Variants in AHRR observed in about 807,000 individuals in gnomAD.
The protein encoded by AHRR is ahR repressor.
Under a neutral mutation model 44.0 loss-of-function variants are expected in AHRR, and 28 were observed. That is an observed-to-expected ratio of 0.64 (90% CI 0.47 to 0.87). The LOEUF (loss-of-function observed/expected upper bound fraction) is 0.87. AHRR is among the 40% of genes least tolerant of loss of function. The pLI is 0.00. For missense variants in AHRR, 990 were observed against 953.9 expected (o/e 1.04, Z -0.50); for synonymous variants, 434 against 407.0 (o/e 1.07, Z -0.80).
In AHRR at chr5:434,656, G is replaced by A. The variant is rs376172075; in HGVS notation, c.1916G>A (p.Arg639Gln). 33 of 1,565,498 alleles carry A rather than the reference G, an allele frequency of 2.1e-5. No individual in the cohort carries two copies. The highest frequency in any genetic ancestry group is 1.4e-4 in the South Asian group (12 of 85,402). ...CCCCACCAGCTCTGTGCACGGGGCC[G>A]AGGTGAACAGTCCTGCACCTGCAGA... is the stretch of plus-strand genomic sequence containing the variant. ...EPPHQLCARG[R>Q]GEQSCTCRAA... Residue 639 changes from arginine (R) to glutamine (Q), a missense_variant, in exon 11 of 11, where the codon CGA (arginine) becomes CAA (glutamine). By Grantham distance (43) the Arg-to-Gln change is conservative (BLOSUM62 1). Coordinates refer to ENST00000684583, the MANE Select transcript of AHRR (RefSeq NM_001377236.1).
At chr5:339,147 C>T (rs112515335) in intron 1 of AHRR, among the ~76,000 whole-genome samples, 3,240 of 152,270 alleles carry the variant, frequency 0.021, 108 homozygotes, top group African/African-American at 0.074. Flanking sequence ...CTTATTCTGT[C>T]ACTCAGGCTG....
chr5:332,861 G>A (rs906618809), intron 1 of AHRR, among the ~76,000 whole-genome samples: 8 of 150,032 alleles, frequency 5.3e-5, no homozygotes, highest in African/African-American at 7.4e-5. Context: ...GGATGCATAT[G>A]TATGTAGAAT....
chr5:376,557 A>AATGCGGGGAAACACAGGAAAGAT (rs368685976), intron 3 of AHRR, 53 bp from the exon 4 acceptor site: 4 of 1,429,206 alleles, frequency 2.8e-6, no homozygotes, highest in Non-Finnish European at 3.8e-6. Context: ...AATGAAGAAG[A>AATGCGGGGAAACACAGGAAAGAT]GTGGCCAGGC....
intron 5 of AHRR, among the ~76,000 whole-genome samples, chr5:414,667 CAAAT>C (rs1283974576): frequency 6.6e-6 from 1 of 151,946 alleles, no homozygotes; most frequent in East Asian, 1.9e-4. Flanking sequence ...AACTGGCAAA[CAAAT>C]AGATTTAAAA....
chr5:396,168 G>A (rs545448541), intron 4 of AHRR, among the ~76,000 whole-genome samples: 10 of 152,264 alleles, frequency 6.6e-5, no homozygotes, highest in South Asian at 4.1e-4. Flanking sequence ...GAGGGGCCCC[G>A]GGCCTTGGGC....
At chr5:377,686 C>G (rs983225062) in intron 4 of AHRR, among the ~76,000 whole-genome samples, 1 of 152,248 alleles carries the variant, frequency 6.6e-6, no homozygotes, top group Non-Finnish European at 1.5e-5. Flanking sequence ...AGTTCACAAC[C>G]CCCAGCTCGC....
Position 395,313 on chromosome 5 carries a change from G to T in AHRR, c.352-18031G>T, listed in dbSNP as rs1432929401. Among the ~76,000 whole-genome samples the T allele has an allele frequency of 1.3e-5, 2 of 152,320 alleles. No homozygotes were observed. The highest frequency in any genetic ancestry group is 2.4e-5 in the African/African-American group (1 of 41,570). On this transcript the variant is annotated intron_variant, in intron 4 of 10. Transcript: ENST00000684583. The surrounding 1 kb of genome is among the most constrained non-coding windows in gnomAD (Gnocchi z 5.3). ...TGGGAGACACGAGCCCCGGTGGTGG[G>T]ATGCAGTTAGCTGAACGCCAGGCTG...
chr5:416,215 T>C (rs1420785718), intron 5 of AHRR, among the ~76,000 whole-genome samples: 1 of 152,180 alleles, frequency 6.6e-6, no homozygotes, highest in Non-Finnish European at 1.5e-5. Flanking sequence ...CCAAGGGGTG[T>C]CCAGGCCACT....
Position 415,468 on chromosome 5 carries a change from CCTGGTCGGG to C in AHRR, c.441+2036_441+2044del, listed in dbSNP as rs1560916018. ...GCGGGAGGCCTAGGGGCCGAGTCTG[CCTGGTCGGG>C]TGGGAGGCCTAGGGGCCGAGTCTCC... On this transcript the variant is annotated intron_variant, in intron 5 of 10. Coordinates refer to ENST00000684583, the MANE Select transcript of AHRR (RefSeq NM_001377236.1). Among the ~76,000 whole-genome samples the C allele has an allele frequency of 2.2e-3, 254 of 116,720 alleles. 15 individuals carry two copies. Among genetic ancestry groups the C allele is most frequent in the Middle Eastern group, 4.9e-3 (1 of 204 alleles). 76.6% of individuals were successfully genotyped at this position (116,720 alleles called of 152,430 possible).
chr5:425,313 T>TTTTATTTA (rs1378317897), intron 7 of AHRR, among the ~76,000 whole-genome samples: 2 of 152,190 alleles, frequency 1.3e-5, no homozygotes, highest in African/African-American at 4.8e-5. Context: ...GACAATAAAG[T>TTTTATTTA]TTTATTTATT....
chr5:434,989 A>G lies in AHRR; in HGVS notation c.*155A>G. 9.0e-7 allele frequency: 1 copy of G among 1,117,264 alleles called. No homozygotes were observed. Among genetic ancestry groups the G allele is most frequent in the Non-Finnish European group, 1.2e-6 (1 of 811,870 alleles). 69.2% of individuals were successfully genotyped at this position (1,117,264 alleles called of 1,614,324 possible). On this transcript the variant is annotated 3_prime_UTR_variant, in exon 11 of 11. Coordinates refer to ENST00000684583, the MANE Select transcript of AHRR (RefSeq NM_001377236.1). The stretch of plus-strand genomic sequence containing the variant: ...GTCTGCTAGTGTGTGTGTGCAGCAT[A>G]CGCAGGAGCCTATCCTGAATTTTGT...
At chr5:366,108 G>A (rs541219791) in intron 3 of AHRR, among the ~76,000 whole-genome samples, 152 of 142,832 alleles carry the variant, frequency 1.1e-3, no homozygotes, top group African/African-American at 3.8e-3. Flanking sequence ...AGAGAGCCTC[G>A]GAACAGTGAC....
rs1736887412 is a variant in AHRR at position 434,295 on chromosome 5, C to T, written c.1555C>T (p.Pro519Ser). 1.9e-6 allele frequency: 3 copies of T among 1,609,130 alleles called. No homozygotes were observed. Among genetic ancestry groups the T allele is most frequent in the Non-Finnish European group, 2.5e-6 (3 of 1,177,588 alleles). Residue 519 changes from proline to serine, a missense_variant, in exon 11 of 11, where the codon CCG (proline) becomes TCG (serine). Transcript: ENST00000684583. Reference protein sequence around the residue: ...DMKLQGVPMPPGDLCGPTLLL... With the variant: ...DMKLQGVPMPSGDLCGPTLLL... ...GAAGCTGCAAGGTGTACCGATGCCT[C>T]CGGGGGACCTGTGTGGTCCGACGCT...
Position 435,114 on chromosome 5 carries a change from T to G in AHRR, c.*280T>G. ...ATTAAAATCTTTAGGAAAGTGATCA[T>G]GGCTGGACAGCTTCATGCCCCAGAG... On this transcript the variant is annotated 3_prime_UTR_variant, in exon 11 of 11. Coordinates refer to ENST00000684583, the MANE Select transcript of AHRR (RefSeq NM_001377236.1). 2 of 440,916 alleles carry G rather than the reference T, an allele frequency of 4.5e-6. No individual in the cohort carries two copies. 27.3% of individuals were successfully genotyped at this position (440,916 alleles called of 1,614,324 possible). A position where few individuals can be genotyped will look rare whatever the true frequency, so the allele number is the denominator to read the frequency against.
chr5:398,479 C>T (rs1457791270), intron 4 of AHRR, among the ~76,000 whole-genome samples: 2 of 152,204 alleles, frequency 1.3e-5, no homozygotes, highest in African/African-American at 4.8e-5. Flanking sequence ...GTCACTGAGC[C>T]GGGTGCACAG....
chr5:373,989 C>T (rs898950765), intron 3 of AHRR, among the ~76,000 whole-genome samples: 4 of 151,838 alleles, frequency 2.6e-5, no homozygotes, highest in Admixed American at 2.6e-4. Context: ...GCGCCCCTGC[C>T]GCCGCACCTA....
intron 4 of AHRR, among the ~76,000 whole-genome samples, chr5:392,877 T>G (rs888958309): frequency 1.3e-5 from 2 of 152,022 alleles, no homozygotes; most frequent in Non-Finnish European, 2.9e-5. Context: ...GTCTCCCCCA[T>G]GCCTTCATTT....
At chr5:360,985 C>G (rs527784076) in intron 3 of AHRR, among the ~76,000 whole-genome samples, 6 of 152,118 alleles carry the variant, frequency 3.9e-5, no homozygotes, top group Non-Finnish European at 5.9e-5. Flanking sequence ...GGTACGGTGG[C>G]GCACACCTGT....
At chr5:366,061 C>T (rs747738791) in intron 3 of AHRR, among the ~76,000 whole-genome samples, 4 of 151,534 alleles carry the variant, frequency 2.6e-5, no homozygotes, top group Non-Finnish European at 5.9e-5. Flanking sequence ...CTCACCTTCC[C>T]CCCCCACCCC....
Sources: allele counts gnomAD v4.1 joint callset (sites outside exome capture counted in the v4.1 genomes callset), GRCh38; gene constraint gnomAD v4.1.1; non-coding constraint Gnocchi (gnomAD v3.1); transcripts MANE v1.5; gene names NCBI Gene and HGNC (gene_info 2026-07-23, HGNC 2026-07-21).